Variants in MGAT4C observed in about 807,000 individuals in gnomAD.
MGAT4C encodes the protein MGAT4 family member C, also known as alpha-1,3-mannosyl-glycoprotein 4-beta-N-acetylglucosaminyltransferase C.
Under a neutral mutation model 40.1 loss-of-function variants are expected in MGAT4C, and 19 were observed. The observed-to-expected ratio is 0.47, with a 90% confidence interval of 0.33 to 0.70. The LOEUF (loss-of-function observed/expected upper bound fraction) is 0.70, where lower values mean the gene tolerates loss of function less well. Ranked by LOEUF, MGAT4C falls within the 30% of genes least tolerant of loss-of-function variation. The probability of loss-of-function intolerance (pLI) is 0.02; values close to 1 mark genes in which losing one functional copy is unlikely to be tolerated. For missense variants in MGAT4C, 491 were observed against 563.2 expected, an observed-to-expected ratio of 0.87 and a Z score of 1.30; for synonymous variants, 181 against 187.1, an observed-to-expected ratio of 0.97 and a Z score of 0.27.
chr12:86,412,866 G>A (rs1956632851), intron 3 of MGAT4C, among the ~76,000 whole-genome samples: 1 of 152,158 alleles, frequency 6.6e-6, no homozygotes, highest in Non-Finnish European at 1.5e-5. Context: ...GGTGGAAGGT[G>A]ATTGGATCAT....
intron 1 of MGAT4C, among the ~76,000 whole-genome samples, chr12:86,171,373 AAAAT>A (rs771259007): frequency 2.0e-4 from 31 of 152,172 alleles, no homozygotes; most frequent in African/African-American, 7.5e-4. Context: ...CCATCTCAAA[AAAAT>A]AAATAAATAA....
intron 1 of MGAT4C, among the ~76,000 whole-genome samples, chr12:86,109,252 A>G (rs1876777358): frequency 6.6e-6 from 1 of 152,144 alleles, no homozygotes; most frequent in African/African-American, 2.4e-5. Context: ...ACAACAACAA[A>G]CAAATTAATA....
intron 2 of MGAT4C, among the ~76,000 whole-genome samples, chr12:86,653,653 G>A (rs1963762194): frequency 6.6e-6 from 1 of 151,892 alleles, no homozygotes; most frequent in South Asian, 2.1e-4. Context: ...TATTTTGTAT[G>A]TATCTTTCTT....
intron 2 of MGAT4C, among the ~76,000 whole-genome samples, chr12:86,490,776 A>T (rs202165732): frequency 0.027 from 4,155 of 152,314 alleles, 157 homozygotes; most frequent in African/African-American, 0.086. Flanking sequence ...GTCTCTGATA[A>T]AACAGACTTT....
intron 4 of MGAT4C, among the ~76,000 whole-genome samples, chr12:86,295,771 G>A (rs144770244): frequency 0.011 from 1,730 of 152,150 alleles, 26 homozygotes; most frequent in African/African-American, 0.034. Context: ...ACAGAGTTTC[G>A]ACATACAGGT....
chr12:86,225,169 T>A (rs747056075), intron 1 of MGAT4C, among the ~76,000 whole-genome samples: 3 of 152,078 alleles, frequency 2.0e-5, no homozygotes, highest in Non-Finnish European at 4.4e-5. Flanking sequence ...ACAACTGTTA[T>A]ATGCTAACAA....
chr12:86,293,658 G>C (rs1223420376), intron 4 of MGAT4C, among the ~76,000 whole-genome samples: 1 of 152,110 alleles, frequency 6.6e-6, no homozygotes, highest in East Asian at 1.9e-4. Context: ...GTGTGATATG[G>C]TTTGGCTCTG....
intron 2 of MGAT4C, among the ~76,000 whole-genome samples, chr12:86,511,439 C>A (rs919502152): frequency 2.0e-5 from 3 of 152,176 alleles, no homozygotes; most frequent in Admixed American, 2.0e-4. Flanking sequence ...TATTATAAAT[C>A]GAACTGTTTT....
At chr12:86,209,530 CA>C (rs1950379626) in intron 1 of MGAT4C, among the ~76,000 whole-genome samples, 1 of 152,018 alleles carries the variant, frequency 6.6e-6, no homozygotes, top group Non-Finnish European at 1.5e-5. Context: ...TAGCAATTTC[CA>C]AAATTCTTAA....
At chr12:86,305,060 A>T (rs1592674195) in intron 4 of MGAT4C, among the ~76,000 whole-genome samples, 1 of 150,852 alleles carries the variant, frequency 6.6e-6, no homozygotes, top group East Asian at 1.9e-4. Flanking sequence ...ATCAAAAATA[A>T]ATGTAGTTTT....
chr12:86,527,345 T>C (rs1328991934), intron 2 of MGAT4C, among the ~76,000 whole-genome samples: 3 of 152,184 alleles, frequency 2.0e-5, no homozygotes, highest in African/African-American at 4.8e-5. Flanking sequence ...CTCTTTTCCA[T>C]TGGCCTATGT....
intron 1 of MGAT4C, among the ~76,000 whole-genome samples, chr12:86,243,381 C>A (rs1407625418): frequency 6.6e-6 from 1 of 152,190 alleles, no homozygotes; most frequent in African/African-American, 2.4e-5. Flanking sequence ...GTAGACACAC[C>A]CTGAGGTGAC....
intron 2 of MGAT4C, among the ~76,000 whole-genome samples, chr12:86,462,074 G>C (rs1957610415): frequency 6.6e-6 from 1 of 152,190 alleles, no homozygotes; most frequent in Non-Finnish European, 1.5e-5. Flanking sequence ...AGTTGGAACA[G>C]ATGGCGAAAA....
intron 3 of MGAT4C, among the ~76,000 whole-genome samples, chr12:86,362,862 AT>A (rs1340896092): frequency 2.0e-5 from 1 of 51,216 alleles, no homozygotes; most frequent in Non-Finnish European, 3.7e-5. Flanking sequence ...GCGAGACTCC[AT>A]CTCAAAAAAA....
intron 1 of MGAT4C, among the ~76,000 whole-genome samples, chr12:86,101,365 C>T: frequency 6.6e-6 from 1 of 151,746 alleles, no homozygotes; most frequent in East Asian, 1.9e-4. Context: ...GAGGGCAAGA[C>T]CATTGGCCTT....
intron 1 of MGAT4C, among the ~76,000 whole-genome samples, chr12:86,795,273 A>G (rs1255138143): frequency 6.6e-6 from 1 of 151,928 alleles, no homozygotes; most frequent in Non-Finnish European, 1.5e-5. Context: ...CCATGTCATA[A>G]TTAAGAAAGA....
chr12:86,248,885 T>TA (rs1952152685), intron 1 of MGAT4C, among the ~76,000 whole-genome samples: 1 of 152,158 alleles, frequency 6.6e-6, no homozygotes, highest in Non-Finnish European at 1.5e-5. Flanking sequence ...TAGCTAGTGT[T>TA]ATGCTCTGTT....
intron 2 of MGAT4C, among the ~76,000 whole-genome samples, chr12:86,650,088 A>T (rs1411233176): frequency 1.3e-5 from 2 of 151,868 alleles, no homozygotes; most frequent in Non-Finnish European, 2.9e-5. Flanking sequence ...ATACTTTTTC[A>T]TGGCATTCTA....
chr12:86,800,882 A>G (rs1384051349), intron 1 of MGAT4C, among the ~76,000 whole-genome samples: 1 of 151,932 alleles, frequency 6.6e-6, no homozygotes, highest in South Asian at 2.1e-4. Context: ...TTAGGAAGAA[A>G]TCCTGCTAAG....
Sources: gnomAD v4.1 joint callset for allele counts (sites outside exome capture counted in the v4.1 genomes callset) on GRCh38, gnomAD v4.1.1 for gene constraint, MANE v1.5 for transcripts, NCBI Gene and HGNC (gene_info 2026-07-23, HGNC 2026-07-21) for gene names.